ZBTB20: variants seen among roughly 807,000 people sequenced by gnomAD.
The protein encoded by ZBTB20 is zinc finger and BTB domain-containing protein 20.
In ZBTB20, 9 loss-of-function variants were observed where a neutral mutation model predicts 56.9. That is an observed-to-expected ratio of 0.16 (90% CI 0.10 to 0.28). The LOEUF (loss-of-function observed/expected upper bound fraction) is 0.28, where lower values mean the gene tolerates loss of function less well. Among genes scored for constraint, ZBTB20 ranks in the 10% least tolerant of loss-of-function variants. The pLI, the probability that ZBTB20 is intolerant of heterozygous loss-of-function variation, is 1.00. For synonymous variants in ZBTB20, 417 were observed against 420.7 expected, an observed-to-expected ratio of 0.99 and a Z score of 0.11; for missense variants, 655 against 1,003.0, an observed-to-expected ratio of 0.65 and a Z score of 4.69.
At chr3:114,666,422 A>G (rs1281827779) in intron 6 of ZBTB20, among the ~76,000 whole-genome samples, 1 of 152,054 alleles carries the variant, frequency 6.6e-6, no homozygotes, top group Non-Finnish European at 1.5e-5. Flanking sequence ...ATTTCCTCTG[A>G]ATACAGTTAA....
intron 4 of ZBTB20, among the ~76,000 whole-genome samples, chr3:114,811,622 A>G (rs1252858884): frequency 6.6e-6 from 1 of 152,254 alleles, no homozygotes; most frequent in Non-Finnish European, 1.5e-5. Flanking sequence ...TTGGATCAAC[A>G]TAATACTTCA....
intron 1 of ZBTB20, among the ~76,000 whole-genome samples, chr3:115,138,956 CCAG>C (rs143807719): frequency 0.027 from 4,094 of 152,084 alleles, 202 homozygotes; most frequent in African/African-American, 0.092. Context: ...AACACTAAAA[CCAG>C]CTTCCCTTAA....
chr3:114,797,877 G>T (rs966529175), intron 5 of ZBTB20, among the ~76,000 whole-genome samples: 11 of 151,756 alleles, frequency 7.2e-5, no homozygotes, highest in African/African-American at 2.2e-4. Context: ...GACCTGGATG[G>T]GTTAAAATAA....
intron 4 of ZBTB20, among the ~76,000 whole-genome samples, chr3:114,833,011 A>G (rs1020823534): frequency 6.6e-6 from 1 of 152,168 alleles, no homozygotes; most frequent in African/African-American, 2.4e-5. Flanking sequence ...GCTGAAGTAA[A>G]GCTAAGATTT....
Position 115,030,661 on chromosome 3 carries a change from G to C in ZBTB20, c.-507+40558C>G, listed in dbSNP as rs2080632486. 2.6e-5 allele frequency among the ~76,000 whole-genome samples: 4 copies of C among 151,186 alleles called. No individual in the cohort carries two copies. The South Asian group carries it at 8.3e-4, about 31-fold the overall frequency. On this transcript the variant is annotated intron_variant, in intron 2 of 11. Transcript: ENST00000675478. Reference sequence around the variant, plus strand: ...AAAGAAAAAAAAGACTTAACGTCATGAGAGATGATTCTGTCCTCATTTTCA... The same window carrying C: ...AAAGAAAAAAAAGACTTAACGTCATCAGAGATGATTCTGTCCTCATTTTCA...
intron 2 of ZBTB20, among the ~76,000 whole-genome samples, chr3:115,021,706 A>T (rs1294915060): frequency 6.6e-6 from 1 of 150,778 alleles, no homozygotes; most frequent in African/African-American, 2.4e-5. Context: ...TACTTTTATA[A>T]TTCAAACAAT....
chr3:115,112,098 T>C (rs1382924131), intron 1 of ZBTB20, among the ~76,000 whole-genome samples: 1 of 152,184 alleles, frequency 6.6e-6, no homozygotes, highest in Non-Finnish European at 1.5e-5. Context: ...TTTTAGATTA[T>C]TACTAAAATT....
At chr3:114,560,654 A>C (rs2051902745) in intron 6 of ZBTB20, among the ~76,000 whole-genome samples, 1 of 152,092 alleles carries the variant, frequency 6.6e-6, no homozygotes, top group Non-Finnish European at 1.5e-5. Flanking sequence ...TATTGCTGAA[A>C]AGTGCTCACC....
At chr3:114,640,425 C>T (rs958572717) in intron 6 of ZBTB20, among the ~76,000 whole-genome samples, 1 of 152,086 alleles carries the variant, frequency 6.6e-6, no homozygotes, top group Admixed American at 6.6e-5. Context: ...GAACCAAATT[C>T]AAGGGAACTG....
At chr3:115,095,584 C>CA (rs940989746) in intron 1 of ZBTB20, among the ~76,000 whole-genome samples, 26 of 151,702 alleles carry the variant, frequency 1.7e-4, no homozygotes, top group African/African-American at 3.4e-4. Context: ...AAAAACAAAA[C>CA]AAAAAAAAGC....
chr3:114,752,359 T>C (rs906078988), intron 5 of ZBTB20, among the ~76,000 whole-genome samples: 14 of 152,134 alleles, frequency 9.2e-5, no homozygotes, highest in Non-Finnish European at 1.8e-4. Flanking sequence ...GCCCATTTGG[T>C]CTGTAAGCCA....
intron 6 of ZBTB20, among the ~76,000 whole-genome samples, chr3:114,612,404 T>C (rs574671751): frequency 1.4e-4 from 21 of 152,190 alleles, no homozygotes; most frequent in Non-Finnish European, 2.6e-4. Context: ...TTTCTGATAG[T>C]AACATTATTA....
Position 114,339,989 on chromosome 3 carries a change from C to T in ZBTB20, c.1805-563G>A, listed in dbSNP as rs2079637487. 6.6e-6 allele frequency among the ~76,000 whole-genome samples: 1 copy of T among 152,156 alleles called. No individual in the cohort carries two copies. The highest frequency in any genetic ancestry group is 6.5e-5 in the Admixed American group (1 of 15,268). ...TGAGTTTGGAAAATATTTGCCAACA[C>T]AGGAATACGTTATTTTGAAGAGCTA... On this transcript the variant is annotated intron_variant, in intron 11 of 11. Coordinates refer to ENST00000675478, the MANE Select transcript of ZBTB20 (RefSeq NM_001348800.3). This position sits in a 1 kb window ranked among gnomAD's most constrained non-coding sequence, Gnocchi z 4.2.
At chr3:114,809,925 C>T (rs78026786) in intron 4 of ZBTB20, among the ~76,000 whole-genome samples, 2,492 of 152,244 alleles carry the variant, frequency 0.016, 82 homozygotes, top group African/African-American at 0.057. Flanking sequence ...CATGCTGTGC[C>T]GCTGCTGATG....
intron 6 of ZBTB20, among the ~76,000 whole-genome samples, chr3:114,523,126 A>C (rs1303434183): frequency 1.3e-5 from 2 of 152,180 alleles, no homozygotes; most frequent in Non-Finnish European, 2.9e-5. Flanking sequence ...CAGGAAAAAA[A>C]TCAGGAGAGT....
intron 7 of ZBTB20, among the ~76,000 whole-genome samples, chr3:114,394,076 C>T (rs115585304): frequency 0.018 from 2,783 of 152,220 alleles, 39 homozygotes; most frequent in South Asian, 0.066. Context: ...TTAAAGTTTA[C>T]AAGAAAGGTA....
At chr3:114,479,069 G>T (rs970046796) in intron 7 of ZBTB20, among the ~76,000 whole-genome samples, 7 of 149,352 alleles carry the variant, frequency 4.7e-5, no homozygotes, top group Middle Eastern at 3.4e-3. Context: ...CCTCTATTGG[G>T]GGGGGGCCAC....
intron 4 of ZBTB20, among the ~76,000 whole-genome samples, chr3:114,854,961 A>G (rs560973631): frequency 1.3e-5 from 2 of 152,302 alleles, no homozygotes; most frequent in Admixed American, 1.3e-4. Flanking sequence ...CTCTGCTTCA[A>G]TCAGCTTTCT....
chr3:114,973,848 T>A (rs1159726168), intron 3 of ZBTB20, among the ~76,000 whole-genome samples: 1 of 152,190 alleles, frequency 6.6e-6, no homozygotes, highest in Non-Finnish European at 1.5e-5. Flanking sequence ...ACGAGTCTAT[T>A]GTAAACTTCT....
Sources: allele counts gnomAD v4.1 joint callset (sites outside exome capture counted in the v4.1 genomes callset), GRCh38; gene constraint gnomAD v4.1.1; non-coding constraint Gnocchi (gnomAD v3.1); transcripts MANE v1.5; gene names NCBI Gene and HGNC (gene_info 2026-07-23, HGNC 2026-07-21).